TTC8: variants seen among roughly 807,000 people sequenced by gnomAD.
The protein encoded by TTC8 is tetratricopeptide repeat protein 8.
A neutral mutation model predicts 72.5 loss-of-function variants in TTC8; 47 were observed. The ratio of observed to expected loss-of-function variants is 0.65; its 90% CI spans 0.51 to 0.83. The LOEUF (loss-of-function observed/expected upper bound fraction) is 0.83. Among genes scored for constraint, TTC8 ranks in the 40% least tolerant of loss-of-function variants. TTC8 has a pLI of 0.00. For synonymous variants in TTC8, 199 were observed against 221.4 expected, an observed-to-expected ratio of 0.90 and a Z score of 0.90; for missense variants, 611 against 623.2, an observed-to-expected ratio of 0.98 and a Z score of 0.21.
At chr14:88,843,737 A>T (rs2094792952) in intron 6 of TTC8, 69 bp from the exon 7 acceptor site, 1 of 1,130,264 alleles carries the variant, frequency 8.8e-7, no homozygotes, top group South Asian at 1.4e-5. Context: ...CCAGGGCTTT[A>T]GAGTACTTTT....
At chr14:88,825,651 C>T (rs185099876) in intron 1 of TTC8, among the ~76,000 whole-genome samples, 3 of 152,292 alleles carry the variant, frequency 2.0e-5, no homozygotes, top group Admixed American at 6.5e-5. Context: ...TTAGTAAGTG[C>T]GGAATATACC....
intron 8 of TTC8, among the ~76,000 whole-genome samples, chr14:88,853,973 T>G (rs1320771979): frequency 6.6e-6 from 1 of 152,208 alleles, no homozygotes; most frequent in East Asian, 1.9e-4. Flanking sequence ...GTCATTCAAG[T>G]ACTCTGAGAA....
chr14:88,872,284 G>A (rs757415078), intron 12 of TTC8, 46 bp from the exon 13 acceptor site: 2 of 1,611,540 alleles, frequency 1.2e-6, no homozygotes, highest in African/African-American at 2.7e-5. Flanking sequence ...GAAGGGAGGA[G>A]GAAGTAAACG....
In TTC8 at chr14:88,874,496, G is replaced by T. The variant is rs541861771; in HGVS notation, c.1348-530G>T. On this transcript the variant is annotated intron_variant, in intron 13 of 14. Coordinates refer to ENST00000380656, the MANE Select transcript of TTC8 (RefSeq NM_144596.4). ...AACAGAAAGCTTGTCATATTCAATTGCTGTCTCACTAACAAAACTGATCAG... is the reference window on the plus strand; with the variant it reads ...AACAGAAAGCTTGTCATATTCAATTTCTGTCTCACTAACAAAACTGATCAG... Among the ~76,000 whole-genome samples, 21 of 152,168 alleles carry T rather than the reference G, an allele frequency of 1.4e-4. No individual in the cohort carries two copies. The South Asian group carries it at 3.9e-3, about 29-fold the overall frequency.
intron 13 of TTC8, 120 bp from the exon 14 acceptor site, chr14:88,874,906 C>T: frequency 9.1e-6 from 6 of 659,138 alleles, no homozygotes; most frequent in Non-Finnish European, 1.5e-5. Context: ...TTATCACAGG[C>T]TCGTGTTATT....
intron 7 of TTC8, among the ~76,000 whole-genome samples, chr14:88,848,024 G>A (rs2094815683): frequency 6.6e-6 from 1 of 150,892 alleles, no homozygotes; most frequent in South Asian, 2.1e-4. Context: ...TCAGGAGGCT[G>A]AGGCAGGAGA....
At chr14:88,860,392 T>A (rs760105133) in intron 9 of TTC8, among the ~76,000 whole-genome samples, 13 of 152,234 alleles carry the variant, frequency 8.5e-5, no homozygotes, top group Admixed American at 2.6e-4. Flanking sequence ...GGTTTACTCA[T>A]GCTAATGTTC....
chr14:88,871,409 A>G lies in TTC8; in HGVS notation c.1050-140A>G, dbSNP rs1055642253. 4 of 764,718 alleles carry G rather than the reference A, an allele frequency of 5.2e-6. No individual in the cohort carries two copies. Among genetic ancestry groups the G allele is most frequent in the Non-Finnish European group, 6.5e-6 (3 of 464,642 alleles). 47.4% of individuals were successfully genotyped at this position (764,718 alleles called of 1,614,324 possible). A position where few individuals can be genotyped will look rare whatever the true frequency, so the allele number is the denominator to read the frequency against. On this transcript the variant is annotated intron_variant, in intron 11 of 14. Coordinates refer to ENST00000380656, the MANE Select transcript of TTC8 (RefSeq NM_144596.4). The surrounding 1 kb of genome is among the most constrained non-coding windows in gnomAD (Gnocchi z 4.1). ...TGCTTTAAACATTTTTTCATTTACT[A>G]TAACACGTATTTATATTCTTAAGGA...
At chr14:88,860,095 G>A (rs979701921) in intron 9 of TTC8, among the ~76,000 whole-genome samples, 3 of 149,370 alleles carry the variant, frequency 2.0e-5, no homozygotes, top group African/African-American at 7.3e-5. Flanking sequence ...TTTAGATTAT[G>A]TAAATACTAA....
chr14:88,850,380 G>A lies in TTC8; in HGVS notation c.625-2591G>A, dbSNP rs1446944312. Among the ~76,000 whole-genome samples, 9 of 152,134 alleles carry A rather than the reference G, an allele frequency of 5.9e-5. No individual in the cohort carries two copies. The East Asian group carries it at 1.5e-3, about 26-fold the overall frequency. ...AGGATTATCTGTCCTCAGGGAGCTT[G>A]CCAGCCACTTAAAATTGTCCCAGAT... On this transcript the variant is annotated intron_variant, in intron 7 of 14. Coordinates refer to ENST00000380656, the MANE Select transcript of TTC8 (RefSeq NM_144596.4).
chr14:88,834,773 C>T (rs904927688), intron 2 of TTC8, among the ~76,000 whole-genome samples: 1 of 151,840 alleles, frequency 6.6e-6, no homozygotes, highest in African/African-American at 2.4e-5. Flanking sequence ...ATTTTGTTCT[C>T]AGGAAATTTG....
At position 88,877,382 on chromosome 14, in the gene TTC8, A is replaced by T; in HGVS notation, c.1520A>T (p.Gln507Leu). The T allele has an allele frequency of 6.2e-7, 1 of 1,613,792 alleles. No homozygotes were observed. The highest frequency in any genetic ancestry group is 8.5e-7 in the Non-Finnish European group (1 of 1,179,748). Residue 507 changes from glutamine to leucine, a missense_variant, in exon 15 of 15, where the codon CAA (glutamine) becomes CTA (leucine). Coordinates refer to ENST00000380656, the MANE Select transcript of TTC8 (RefSeq NM_144596.4). Reference sequence around the variant, plus strand: ...GTGGACACACAACATTTAATTAAACAATTAAGGCAGCATTTTGCTATGCTC... The same window carrying T: ...GTGGACACACAACATTTAATTAAACTATTAAGGCAGCATTTTGCTATGCTC... The part of the protein sequence containing the change: ...DHVDTQHLIK[Q>L]LRQHFAML
intron 2 of TTC8, among the ~76,000 whole-genome samples, chr14:88,838,282 G>A (rs140876597): frequency 1.1e-4 from 16 of 152,282 alleles, no homozygotes; most frequent in South Asian, 2.1e-4. Context: ...ATTAGGATCC[G>A]TGTTTTAATC....
intron 9 of TTC8, among the ~76,000 whole-genome samples, chr14:88,858,630 G>A (rs554826607): frequency 7.1e-4 from 108 of 151,586 alleles, no homozygotes; most frequent in African/African-American, 2.5e-3. Flanking sequence ...GTGTCACTCT[G>A]TCACCCAGGC....
In TTC8 at chr14:88,841,140, G is replaced by A. The variant is rs540856754; in HGVS notation, c.433G>A (p.Ala145Thr). Residue 145 changes from alanine (A) to threonine (T), a missense_variant, in exon 5 of 15, where the codon GCC becomes ACC. Physicochemically the swap from Ala to Thr is moderately conservative, Grantham distance 58. Transcript: ENST00000380656. ...ACAGGCTATCAGAACACCCAGAACCGCCTACACAGCCCGCCCTATCACCAG... is the reference window on the plus strand; with the variant it reads ...ACAGGCTATCAGAACACCCAGAACCACCTACACAGCCCGCCCTATCACCAG... The part of the protein sequence containing the change: ...MEQAIRTPRT[A>T]YTARPITSSS... 5.5e-5 allele frequency: 88 copies of A among 1,614,062 alleles called. No homozygotes were observed. Among genetic ancestry groups the A allele is most frequent in the African/African-American group, 4.7e-4 (35 of 75,048 alleles).
intron 1 of TTC8, among the ~76,000 whole-genome samples, chr14:88,829,633 G>A (rs2094717214): frequency 6.6e-6 from 1 of 152,218 alleles, no homozygotes; most frequent in Admixed American, 6.5e-5. Context: ...GGACCCATTA[G>A]CTGTGTATCA....
chr14:88,842,096 A>G (rs957737604), intron 6 of TTC8, among the ~76,000 whole-genome samples: 1 of 152,110 alleles, frequency 6.6e-6, no homozygotes, highest in East Asian at 1.9e-4. Context: ...AGGGAGAGAA[A>G]GAGAAAAAGA....
At position 88,856,916 on chromosome 14, in the gene TTC8, AC is replaced by A. The variant is rs141050921; in HGVS notation, c.711-272del. 4.2e-3 allele frequency among the ~76,000 whole-genome samples: 640 copies of A among 152,284 alleles called. 3 individuals are homozygous for A. The highest frequency in any genetic ancestry group is 7.0e-3 in the Non-Finnish European group (475 of 68,008). ...GCTCTTTGGGTGGTGAACTGATGTG[AC>A]CTGGCTTACTAGCAGCTATTATCTT... On this transcript the variant is annotated intron_variant, in intron 8 of 14. Coordinates refer to ENST00000380656, the MANE Select transcript of TTC8 (RefSeq NM_144596.4).
At chr14:88,838,844 C>G (rs370872494) in intron 2 of TTC8, among the ~76,000 whole-genome samples, 1 of 152,102 alleles carries the variant, frequency 6.6e-6, no homozygotes, top group South Asian at 2.1e-4. Context: ...TTATTGGAAT[C>G]GGATAAATTG....
Sources: allele counts gnomAD v4.1 joint callset (sites outside exome capture counted in the v4.1 genomes callset), GRCh38; gene constraint gnomAD v4.1.1; non-coding constraint Gnocchi (gnomAD v3.1); transcripts MANE v1.5; gene names NCBI Gene and HGNC (gene_info 2026-07-23, HGNC 2026-07-21).